The following GMDS variants were observed in gnomAD, a reference collection of about 807,000 sequenced individuals.
GMDS encodes the protein GDP-mannose 4,6 dehydratase.
A neutral mutation model predicts 49.9 loss-of-function variants in GMDS; 20 were observed. That is an observed-to-expected ratio of 0.40 (90% CI 0.28 to 0.58). The LOEUF (loss-of-function observed/expected upper bound fraction) is 0.58, where lower values mean the gene tolerates loss of function less well. GMDS is among the 20% of genes least tolerant of loss of function. The pLI, the probability that GMDS is intolerant of heterozygous loss-of-function variation, is 0.42. For synonymous variants in GMDS, 177 were observed against 178.6 expected (o/e 0.99, Z 0.07); for missense variants, 362 against 481.4 (o/e 0.75, Z 2.32).
chr6:1,876,015 CA>C (rs112121475), intron 7 of GMDS, among the ~76,000 whole-genome samples: 41 of 129,198 alleles, frequency 3.2e-4, no homozygotes, highest in South Asian at 7.6e-4. Context: ...AGCACTATCT[CA>C]AAAAAAAAAA....
chr6:2,190,632 C>G (rs1408106097), intron 1 of GMDS, among the ~76,000 whole-genome samples: 7 of 152,224 alleles, frequency 4.6e-5, no homozygotes, highest in Non-Finnish European at 1.5e-5. Flanking sequence ...ACCTCACCCT[C>G]CCTGACACAG....
intron 10 of GMDS, 24 bp downstream of exon 10, chr6:1,624,448 G>GCCCC: frequency 6.2e-7 from 1 of 1,602,850 alleles, no homozygotes; most frequent in Non-Finnish European, 8.5e-7. Flanking sequence ...GCAGCGGGCG[G>GCCCC]CGTGCGCCCT....
chr6:1,865,639 C>T (rs552160903), intron 7 of GMDS, among the ~76,000 whole-genome samples: 3 of 152,106 alleles, frequency 2.0e-5, no homozygotes, highest in East Asian at 1.9e-4. Flanking sequence ...AAAAAAAGAA[C>T]GAAAGGAAAA....
At chr6:2,015,918 T>C (rs1767863052) in intron 4 of GMDS, among the ~76,000 whole-genome samples, 1 of 151,974 alleles carries the variant, frequency 6.6e-6, no homozygotes. Flanking sequence ...GTTTATGGTT[T>C]TTTTCTTTCC....
At chr6:2,114,353 T>C (rs554027822) in intron 4 of GMDS, among the ~76,000 whole-genome samples, 89 of 152,292 alleles carry the variant, frequency 5.8e-4, no homozygotes, top group African/African-American at 2.1e-3. Flanking sequence ...AGATGACTTA[T>C]AATGTGGAAG....
chr6:2,112,835 C>A (rs961056313), intron 4 of GMDS, among the ~76,000 whole-genome samples: 2 of 152,114 alleles, frequency 1.3e-5, no homozygotes, highest in Non-Finnish European at 2.9e-5. Context: ...TTCTTGACTG[C>A]CATGGCACAA....
intron 7 of GMDS, among the ~76,000 whole-genome samples, chr6:1,896,263 G>T (rs902683262): frequency 6.6e-6 from 1 of 152,122 alleles, no homozygotes; most frequent in Non-Finnish European, 1.5e-5. Context: ...AAAAACTGTC[G>T]CCAGACATTG....
chr6:1,871,416 C>T (rs976164547), intron 7 of GMDS, among the ~76,000 whole-genome samples: 1 of 152,016 alleles, frequency 6.6e-6, no homozygotes, highest in African/African-American at 2.4e-5. Flanking sequence ...TTAAAAATTG[C>T]TGTAAAAATA....
intron 9 of GMDS, among the ~76,000 whole-genome samples, chr6:1,683,418 C>T (rs1021757550): frequency 2.6e-5 from 4 of 152,314 alleles, no homozygotes; most frequent in East Asian, 3.9e-4. Flanking sequence ...CCACCGCGCG[C>T]GGCCTGGATG....
intron 7 of GMDS, among the ~76,000 whole-genome samples, chr6:1,747,047 C>A (rs1435118979): frequency 6.6e-6 from 1 of 152,150 alleles, no homozygotes; most frequent in African/African-American, 2.4e-5. Flanking sequence ...TCCTCTCTCA[C>A]AGTCTCCCAT....
At chr6:2,021,359 A>C (rs1391381935) in intron 4 of GMDS, among the ~76,000 whole-genome samples, 2 of 152,206 alleles carry the variant, frequency 1.3e-5, no homozygotes, top group African/African-American at 4.8e-5. Context: ...TGAAATAAAA[A>C]CAGCAGAGAT....
chr6:2,185,767 A>G lies in GMDS; in HGVS notation c.102+59554T>C, dbSNP rs534778181. ...CCATAACCCAATTTCCTGAAGCCTC[A>G]TCAGCTTGTGATTAAAATAAGGTCC... On this transcript the variant is annotated intron_variant, in intron 1 of 10. Coordinates refer to ENST00000380815, the MANE Select transcript of GMDS (RefSeq NM_001500.4). 2.0e-5 allele frequency among the ~76,000 whole-genome samples: 3 copies of G among 152,280 alleles called. No individual in the cohort carries two copies. The South Asian group carries it at 6.2e-4, about 32-fold the overall frequency.
chr6:2,106,689 C>A (rs948402514), intron 4 of GMDS, among the ~76,000 whole-genome samples: 2 of 152,014 alleles, frequency 1.3e-5, no homozygotes, highest in Non-Finnish European at 2.9e-5. Flanking sequence ...ATGGTGAAAC[C>A]CTGTCTCTAC....
chr6:1,669,917 CAAAAAAA>C lies in GMDS; in HGVS notation c.988-45384_988-45378del, dbSNP rs66490758. Among the ~76,000 whole-genome samples, 161 of 45,232 alleles carry C rather than the reference CAAAAAAA, an allele frequency of 3.6e-3. 1 individual carries two copies. The highest frequency in any genetic ancestry group is 0.031 in the Middle Eastern group (1 of 32). 29.7% of individuals were successfully genotyped at this position (45,232 alleles called of 152,430 possible). A position where few individuals can be genotyped will look rare whatever the true frequency, so the allele number is the denominator to read the frequency against. ...GAAAAAGCGAGACGAGACTCCATCT[CAAAAAAA>C]AAAAAAAAAAAAAAAAGCTGTCACC... is the stretch of plus-strand genomic sequence containing the variant. On this transcript the variant is annotated intron_variant, in intron 9 of 10. Transcript: ENST00000380815.
intron 1 of GMDS, among the ~76,000 whole-genome samples, chr6:2,199,221 A>C (rs1489438539): frequency 6.6e-6 from 1 of 152,226 alleles, no homozygotes; most frequent in Non-Finnish European, 1.5e-5. Flanking sequence ...TTACTCATTA[A>C]TCAAGATTTT....
At chr6:1,813,015 C>T (rs943904712) in intron 7 of GMDS, among the ~76,000 whole-genome samples, 6 of 151,866 alleles carry the variant, frequency 4.0e-5, no homozygotes, top group South Asian at 2.1e-4. Flanking sequence ...TTGAGGCGGT[C>T]GAGACCAGCT....
chr6:1,801,610 T>C (rs1769953219), intron 7 of GMDS, among the ~76,000 whole-genome samples: 1 of 152,234 alleles, frequency 6.6e-6, no homozygotes, highest in African/African-American at 2.4e-5. Context: ...AGCAGATGTT[T>C]GCACAGGAAT....
At chr6:2,062,588 G>C (rs1355451230) in intron 4 of GMDS, among the ~76,000 whole-genome samples, 1 of 152,092 alleles carries the variant, frequency 6.6e-6, no homozygotes, top group Non-Finnish European at 1.5e-5. Flanking sequence ...CCAAAAATAT[G>C]TGGCTGGTAA....
intron 9 of GMDS, among the ~76,000 whole-genome samples, chr6:1,668,456 T>C (rs571475891): frequency 2.1e-3 from 325 of 152,336 alleles, no homozygotes; most frequent in Middle Eastern, 0.01. Context: ...ATGCCTGTAA[T>C]CCCAGCACTT....
Sources: allele counts gnomAD v4.1 joint callset (sites outside exome capture counted in the v4.1 genomes callset), GRCh38; gene constraint gnomAD v4.1.1; transcripts MANE v1.5; gene names NCBI Gene and HGNC (gene_info 2026-07-23, HGNC 2026-07-21).